The following CAMK1D variants were observed in gnomAD, a reference collection of about 807,000 sequenced individuals.
The protein encoded by CAMK1D is calcium/calmodulin dependent protein kinase ID.
Under a neutral mutation model 47.7 loss-of-function variants are expected in CAMK1D, and 9 were observed. The observed-to-expected ratio is 0.19, with a 90% CI of 0.11 to 0.33. The LOEUF (loss-of-function observed/expected upper bound fraction) is 0.33. Among genes scored for constraint, CAMK1D ranks in the 10% least tolerant of loss-of-function variants. CAMK1D has a pLI of 1.00. For missense variants in CAMK1D, 291 were observed against 488.7 expected (o/e 0.60, Z 3.81); for synonymous variants, 184 against 184.9 (o/e 0.99, Z 0.04).
At chr10:12,594,043 G>A (rs929261063) in intron 2 of CAMK1D, among the ~76,000 whole-genome samples, 13 of 152,188 alleles carry the variant, frequency 8.5e-5, no homozygotes, top group African/African-American at 2.7e-4. Flanking sequence ...TGGCGTGGTG[G>A]CACATGCCTG....
intron 1 of CAMK1D, among the ~76,000 whole-genome samples, chr10:12,435,221 C>CA (rs910066372): frequency 0.062 from 2,707 of 43,666 alleles, 157 homozygotes; most frequent in Middle Eastern, 0.077. Flanking sequence ...AACTCTGTCT[C>CA]AAAAAAAAAA....
At chr10:12,654,588 A>C (rs1366611667) in intron 2 of CAMK1D, among the ~76,000 whole-genome samples, 3 of 152,242 alleles carry the variant, frequency 2.0e-5, no homozygotes, top group Non-Finnish European at 4.4e-5. Flanking sequence ...CTTGCTAAGA[A>C]ATATTAGTTG....
intron 7 of CAMK1D, among the ~76,000 whole-genome samples, chr10:12,815,320 A>G (rs886763480): frequency 1.3e-5 from 2 of 152,252 alleles, no homozygotes; most frequent in African/African-American, 4.8e-5. Flanking sequence ...ACCACAGAGC[A>G]TAGCAGAAGG....
chr10:12,387,213 A>T (rs1257784259), intron 1 of CAMK1D, among the ~76,000 whole-genome samples: 3 of 150,558 alleles, frequency 2.0e-5, no homozygotes, highest in Non-Finnish European at 4.4e-5. Context: ...CAAAAAAAAA[A>T]AAAAAGTTAC....
At chr10:12,626,379 C>G (rs893395221) in intron 2 of CAMK1D, among the ~76,000 whole-genome samples, 1 of 152,012 alleles carries the variant, frequency 6.6e-6, no homozygotes, top group Non-Finnish European at 1.5e-5. Context: ...GTTCTTTGCT[C>G]CGTTCCTTCC....
chr10:12,743,250 G>C (rs771575311), intron 3 of CAMK1D, among the ~76,000 whole-genome samples: 45 of 151,726 alleles, frequency 3.0e-4, no homozygotes, highest in Non-Finnish European at 5.0e-4. Context: ...GGGAGGCTGA[G>C]GCAGGAGAAT....
chr10:12,820,218 T>G (rs1052131571), intron 8 of CAMK1D, among the ~76,000 whole-genome samples: 2 of 152,160 alleles, frequency 1.3e-5, no homozygotes, highest in Non-Finnish European at 2.9e-5. Context: ...TTTTGTATTT[T>G]TAGTAGAGAT....
At chr10:12,362,502 G>C (rs377394226) in intron 1 of CAMK1D, among the ~76,000 whole-genome samples, 2 of 143,692 alleles carry the variant, frequency 1.4e-5, no homozygotes, top group Non-Finnish European at 3.1e-5. Context: ...TTTGTTTTTT[G>C]TTTTTGTTTG....
intron 1 of CAMK1D, among the ~76,000 whole-genome samples, chr10:12,355,475 T>TGC (rs1057349411): frequency 2.1e-4 from 32 of 151,468 alleles, no homozygotes; most frequent in African/African-American, 6.5e-4. Flanking sequence ...TGTGTGTGTG[T>TGC]GCGCGCGCGT....
At chr10:12,793,556 C>G (rs1268021875) in intron 6 of CAMK1D, among the ~76,000 whole-genome samples, 1 of 152,254 alleles carries the variant, frequency 6.6e-6, no homozygotes, top group African/African-American at 2.4e-5. Context: ...GGTCTGGAGG[C>G]TGGAAGTCCA....
At chr10:12,545,795 G>A (rs190705527) in intron 1 of CAMK1D, among the ~76,000 whole-genome samples, 15 of 151,550 alleles carry the variant, frequency 9.9e-5, no homozygotes, top group Non-Finnish European at 1.8e-4. Flanking sequence ...GCGAGACTCC[G>A]TCTCAAAAAA....
chr10:12,740,620 A>G (rs1835386440), intron 3 of CAMK1D, among the ~76,000 whole-genome samples: 1 of 152,076 alleles, frequency 6.6e-6, no homozygotes, highest in African/African-American at 2.4e-5. Flanking sequence ...AAGAAAAGAA[A>G]CTGGGAGATG....
intron 2 of CAMK1D, among the ~76,000 whole-genome samples, chr10:12,631,798 A>G (rs1273353541): frequency 2.0e-5 from 3 of 151,836 alleles, no homozygotes; most frequent in Non-Finnish European, 2.9e-5. Flanking sequence ...AACAATTCTG[A>G]TCGTGTAAGT....
chr10:12,532,481 G>A (rs530831033), intron 1 of CAMK1D, among the ~76,000 whole-genome samples: 12 of 152,156 alleles, frequency 7.9e-5, no homozygotes, highest in African/African-American at 2.2e-4. Context: ...GGGTTTCACC[G>A]TTTTAGCCGG....
chr10:12,525,810 T>G (rs1450385281), intron 1 of CAMK1D, among the ~76,000 whole-genome samples: 5 of 152,206 alleles, frequency 3.3e-5, no homozygotes, highest in Admixed American at 2.6e-4. Flanking sequence ...CAAACTGGAA[T>G]GTAGTGGCGT....
At chr10:12,414,462 C>T (rs1208254162) in intron 1 of CAMK1D, among the ~76,000 whole-genome samples, 2 of 152,080 alleles carry the variant, frequency 1.3e-5, no homozygotes, top group Non-Finnish European at 2.9e-5. Context: ...GAACCTGGCT[C>T]GAGTTTCTGA....
chr10:12,740,219 C>T (rs1232029389), intron 3 of CAMK1D, among the ~76,000 whole-genome samples: 1 of 152,134 alleles, frequency 6.6e-6, no homozygotes, highest in East Asian at 1.9e-4. Flanking sequence ...AGAGGCCACC[C>T]CATGAAGGAA....
chr10:12,806,931 A>G (rs1338454088), intron 6 of CAMK1D, among the ~76,000 whole-genome samples: 6 of 152,150 alleles, frequency 3.9e-5, no homozygotes, highest in Non-Finnish European at 8.8e-5. Flanking sequence ...TGGTCACTCA[A>G]AGTCACATCT....
chr10:12,749,570 G>GTT (rs1334614122), intron 3 of CAMK1D, among the ~76,000 whole-genome samples: 5,783 of 119,386 alleles, frequency 0.048, 494 homozygotes, highest in African/African-American at 0.19. Flanking sequence ...TTGTTTGTTT[G>GTT]TTTGTTTTGA....
Sources: gnomAD v4.1 joint callset for allele counts (sites outside exome capture counted in the v4.1 genomes callset) on GRCh38, gnomAD v4.1.1 for gene constraint, MANE v1.5 for transcripts, NCBI Gene and HGNC (gene_info 2026-07-23, HGNC 2026-07-21) for gene names.